Variants in VWC2L observed in about 807,000 individuals in gnomAD.
VWC2L encodes the protein von Willebrand factor C domain-containing protein 2-like.
In VWC2L, 10 loss-of-function variants were observed where a neutral mutation model predicts 21.6. That is an observed-to-expected ratio of 0.46 (90% confidence interval 0.29 to 0.78). VWC2L has a LOEUF of 0.78. VWC2L is among the 30% of genes least tolerant of loss of function. The pLI is 0.10. For synonymous variants in VWC2L, 96 were observed against 94.3 expected, an observed-to-expected ratio of 1.02 and a Z score of -0.10; for missense variants, 209 against 277.1, an observed-to-expected ratio of 0.75 and a Z score of 1.74.
Position 214,578,927 on chromosome 2 carries a change from ATAT to A in VWC2L, c.*3113_*3115del, listed in dbSNP as rs1690275123. 6.6e-6 allele frequency: 1 copy of A among 152,048 alleles called. No individual in the cohort carries two copies. The highest frequency in any genetic ancestry group is 1.5e-5 in the Non-Finnish European group (1 of 68,024). 9.4% of individuals were successfully genotyped at this position (152,048 alleles called of 1,614,324 possible). ...AACAATATTTGATGTGTAAAAGAAT[ATAT>A]TATTAAAAAATTATTTTGTTAAATA... is the stretch of plus-strand genomic sequence containing the variant. On this transcript the variant is annotated 3_prime_UTR_variant, in exon 4 of 4. Transcript: ENST00000312504.
intron 3 of VWC2L, among the ~76,000 whole-genome samples, chr2:214,470,633 G>A (rs903422777): frequency 2.6e-5 from 4 of 152,028 alleles, no homozygotes; most frequent in Admixed American, 1.3e-4. Flanking sequence ...GTGAGGCTAC[G>A]TGCAGTGGCT....
intron 3 of VWC2L, among the ~76,000 whole-genome samples, chr2:214,495,753 G>A: frequency 6.6e-6 from 1 of 152,022 alleles, no homozygotes; most frequent in Non-Finnish European, 1.5e-5. Context: ...GAAATCCAAG[G>A]CACTAAAACT....
At chr2:214,559,882 T>C (rs959625292) in intron 3 of VWC2L, among the ~76,000 whole-genome samples, 7 of 152,238 alleles carry the variant, frequency 4.6e-5, no homozygotes, top group Admixed American at 1.3e-4. Flanking sequence ...ATTATAGGCA[T>C]GAGCCACTGA....
intron 3 of VWC2L, among the ~76,000 whole-genome samples, chr2:214,533,352 A>C (rs1433104219): frequency 6.6e-6 from 1 of 152,116 alleles, no homozygotes; most frequent in Admixed American, 6.6e-5. Flanking sequence ...ACAAGCCTGC[A>C]GCTGTAATGG....
chr2:214,562,788 C>CTCAAA (rs1434251070), intron 3 of VWC2L, among the ~76,000 whole-genome samples: 1 of 152,068 alleles, frequency 6.6e-6, no homozygotes, highest in Non-Finnish European at 1.5e-5. Flanking sequence ...TGTCTGTTCA[C>CTCAAA]GTCCTTTGCC....
intron 3 of VWC2L, among the ~76,000 whole-genome samples, chr2:214,438,205 C>T (rs1462252296): frequency 6.6e-6 from 1 of 151,988 alleles, no homozygotes; most frequent in African/African-American, 2.4e-5. Context: ...AAAGAGTTAG[C>T]ATAATTTGTC....
At chr2:214,512,737 T>C (rs1374143074) in intron 3 of VWC2L, among the ~76,000 whole-genome samples, 1 of 151,258 alleles carries the variant, frequency 6.6e-6, no homozygotes, top group Non-Finnish European at 1.5e-5. Context: ...AAGTAACAGT[T>C]TCCCCATACA....
intron 3 of VWC2L, among the ~76,000 whole-genome samples, chr2:214,502,763 C>T (rs1480575828): frequency 6.6e-6 from 1 of 152,060 alleles, no homozygotes; most frequent in Non-Finnish European, 1.5e-5. Context: ...CTTAGAAATT[C>T]TTGTGAAAGT....
intron 3 of VWC2L, among the ~76,000 whole-genome samples, chr2:214,449,739 G>A (rs759703288): frequency 2.0e-5 from 3 of 152,162 alleles, no homozygotes; most frequent in Non-Finnish European, 4.4e-5. Context: ...AATTGAGAAA[G>A]GGGAAATAGG....
intron 3 of VWC2L, among the ~76,000 whole-genome samples, chr2:214,446,658 A>T (rs1232212400): frequency 6.6e-6 from 1 of 152,182 alleles, no homozygotes. Flanking sequence ...TAAGATATGG[A>T]AAATACTTGG....
chr2:214,572,545 A>C (rs1690165196), intron 3 of VWC2L, among the ~76,000 whole-genome samples: 1 of 152,220 alleles, frequency 6.6e-6, no homozygotes, highest in Non-Finnish European at 1.5e-5. Context: ...CAAGGTAGAC[A>C]GTAGATAGAA....
In VWC2L at chr2:214,445,762, TAAAA is replaced by T. The variant is rs937699219; in HGVS notation, c.520+9007_520+9010del. On this transcript the variant is annotated intron_variant, in intron 3 of 3. Coordinates refer to ENST00000312504, the MANE Select transcript of VWC2L (RefSeq NM_001080500.4). ...TATCCTTGTGATTTAAAATTACTAT[TAAAA>T]AAGAAAATAAAATTTATAACCAAGA... Among the ~76,000 whole-genome samples, 39 of 152,004 alleles carry T rather than the reference TAAAA, an allele frequency of 2.6e-4. 1 individual carries two copies. Among genetic ancestry groups the T allele is most frequent in the African/African-American group, 8.7e-4 (36 of 41,446 alleles).
At chr2:214,470,006 A>G (rs774717312) in intron 3 of VWC2L, among the ~76,000 whole-genome samples, 1 of 152,208 alleles carries the variant, frequency 6.6e-6, no homozygotes, top group African/African-American at 2.4e-5. Context: ...TACCTTAAAC[A>G]GTTCGGAAAA....
intron 3 of VWC2L, among the ~76,000 whole-genome samples, chr2:214,547,268 T>C (rs1689723518): frequency 6.6e-6 from 1 of 151,960 alleles, no homozygotes. Context: ...ATCCTCAAAC[T>C]TTTGAGTTTA....
intron 2 of VWC2L, among the ~76,000 whole-genome samples, chr2:214,428,849 A>G (rs900885981): frequency 2.6e-5 from 4 of 151,806 alleles, no homozygotes; most frequent in Admixed American, 6.6e-5. Context: ...TTCCTGAGAA[A>G]TAATCTGATT....
chr2:214,535,609 A>G (rs1192433988), intron 3 of VWC2L, among the ~76,000 whole-genome samples: 1 of 152,134 alleles, frequency 6.6e-6, no homozygotes, highest in Non-Finnish European at 1.5e-5. Flanking sequence ...TTGTTTTAGA[A>G]ATATAAACAA....
intron 3 of VWC2L, among the ~76,000 whole-genome samples, chr2:214,465,364 G>A (rs1013164284): frequency 6.6e-6 from 1 of 152,150 alleles, no homozygotes; most frequent in African/African-American, 2.4e-5. Context: ...ATTCTGCCAG[G>A]ACTGGGTCCT....
At chr2:214,545,041 G>A (rs923181286) in intron 3 of VWC2L, among the ~76,000 whole-genome samples, 1 of 152,116 alleles carries the variant, frequency 6.6e-6, no homozygotes, top group African/African-American at 2.4e-5. Context: ...TTGGAAAGCA[G>A]TGTCTAAAAT....
intron 3 of VWC2L, among the ~76,000 whole-genome samples, chr2:214,555,433 G>A (rs1041925366): frequency 1.3e-5 from 2 of 152,114 alleles, no homozygotes; most frequent in African/African-American, 2.4e-5. Flanking sequence ...TTTAGAGTTT[G>A]ATTCTTTTTC....
Sources: gnomAD v4.1 joint callset for allele counts (sites outside exome capture counted in the v4.1 genomes callset) on GRCh38, gnomAD v4.1.1 for gene constraint, MANE v1.5 for transcripts, NCBI Gene and HGNC (gene_info 2026-07-23, HGNC 2026-07-21) for gene names.